The following NRXN3 variants were observed in gnomAD, a reference collection of about 807,000 sequenced individuals.
NRXN3 encodes neurexin III.
In NRXN3, 32 loss-of-function variants were observed where a neutral mutation model predicts 137.6. The observed-to-expected ratio is 0.23, with a 90% confidence interval of 0.18 to 0.31. The LOEUF is 0.31. Ranked by LOEUF, NRXN3 falls within the 10% of genes least tolerant of loss-of-function variation. NRXN3 has a pLI of 1.00. For missense variants in NRXN3, 1,574 were observed against 2,062.5 expected (o/e 0.76, Z 4.59); for synonymous variants, 798 against 784.5 (o/e 1.02, Z -0.29).
intron 10 of NRXN3, among the ~76,000 whole-genome samples, chr14:78,886,158 G>A (rs150784): frequency 0.054 from 8,220 of 152,194 alleles, 728 homozygotes; most frequent in African/African-American, 0.19. Flanking sequence ...ACTCAGTCCT[G>A]TGGAAAAGGA....
chr14:79,431,404 G>T (rs1042642237), intron 15 of NRXN3, among the ~76,000 whole-genome samples: 1 of 152,206 alleles, frequency 6.6e-6, no homozygotes, highest in East Asian at 1.9e-4. Flanking sequence ...TATATTAATT[G>T]TTGGCTCTAT....
chr14:79,194,354 T>C (rs1350253827), intron 15 of NRXN3, among the ~76,000 whole-genome samples: 2 of 152,346 alleles, frequency 1.3e-5, no homozygotes, highest in East Asian at 3.9e-4. Context: ...TTGAGCTAAA[T>C]TGTACAGCTG....
intron 16 of NRXN3, among the ~76,000 whole-genome samples, chr14:79,582,115 G>T (rs2097722156): frequency 6.6e-6 from 1 of 152,042 alleles, no homozygotes; most frequent in Non-Finnish European, 1.5e-5. Flanking sequence ...TTGTTTGTTT[G>T]TTTTTTAAGT....
chr14:78,555,156 A>G (rs2096726844), intron 4 of NRXN3, among the ~76,000 whole-genome samples: 1 of 152,210 alleles, frequency 6.6e-6, no homozygotes, highest in Non-Finnish European at 1.5e-5. Flanking sequence ...GGTAACAGTT[A>G]TAAAGAGGTT....
At chr14:79,021,888 C>T (rs1595022409) in intron 15 of NRXN3, among the ~76,000 whole-genome samples, 1 of 152,112 alleles carries the variant, frequency 6.6e-6, no homozygotes, top group South Asian at 2.1e-4. Flanking sequence ...GTCAACAGTG[C>T]CAGCCCAAGT....
chr14:78,768,795 T>A (rs2098717355), intron 8 of NRXN3, among the ~76,000 whole-genome samples: 1 of 152,194 alleles, frequency 6.6e-6, no homozygotes, highest in Admixed American at 6.5e-5. Flanking sequence ...TATAGTGATT[T>A]AATCCAGGAA....
chr14:79,146,291 C>A (rs1284620309), intron 15 of NRXN3, among the ~76,000 whole-genome samples: 1 of 152,062 alleles, frequency 6.6e-6, no homozygotes, highest in Non-Finnish European at 1.5e-5. Flanking sequence ...AATTACAAGG[C>A]ATGGTCCTGC....
intron 15 of NRXN3, among the ~76,000 whole-genome samples, chr14:79,014,864 T>C (rs976612257): frequency 2.0e-5 from 3 of 152,170 alleles, no homozygotes; most frequent in African/African-American, 7.2e-5. Context: ...CTTGGGGGCT[T>C]GATTGTGGTA....
intron 10 of NRXN3, among the ~76,000 whole-genome samples, chr14:78,837,278 C>G (rs1176951837): frequency 2.0e-5 from 3 of 152,156 alleles, no homozygotes; most frequent in Non-Finnish European, 4.4e-5. Context: ...AGCCAAGTTC[C>G]TGTTAAAATG....
intron 15 of NRXN3, among the ~76,000 whole-genome samples, chr14:79,300,520 G>GTTGGTTC (rs1393556270): frequency 2.0e-5 from 3 of 152,034 alleles, no homozygotes; most frequent in Non-Finnish European, 4.4e-5. Context: ...ATATCTGCCA[G>GTTGGTTC]TTGGTTCTGG....
chr14:79,516,274 A>G (rs2096983383), intron 16 of NRXN3, among the ~76,000 whole-genome samples: 1 of 152,214 alleles, frequency 6.6e-6, no homozygotes, highest in South Asian at 2.1e-4. Context: ...AGCCACTTGA[A>G]TTAGAAGGCC....
chr14:79,841,865 T>G (rs1476117209), intron 20 of NRXN3, among the ~76,000 whole-genome samples: 2 of 152,242 alleles, frequency 1.3e-5, no homozygotes, highest in Non-Finnish European at 2.9e-5. Context: ...AGGTCCAATT[T>G]GCATTGGAAC....
At chr14:79,093,947 G>T (rs548618853) in intron 15 of NRXN3, among the ~76,000 whole-genome samples, 2 of 151,972 alleles carry the variant, frequency 1.3e-5, no homozygotes, top group Admixed American at 1.3e-4. Context: ...GGGTTGCAGG[G>T]GTGAGATAGA....
At chr14:78,991,198 A>G (rs373931306) in intron 15 of NRXN3, among the ~76,000 whole-genome samples, 4 of 152,182 alleles carry the variant, frequency 2.6e-5, no homozygotes, top group Admixed American at 1.3e-4. Flanking sequence ...AAAATCAGAA[A>G]GTGGGTCTTA....
At chr14:78,389,134 C>G (rs1306829017) in intron 4 of NRXN3, among the ~76,000 whole-genome samples, 1 of 151,198 alleles carries the variant, frequency 6.6e-6, no homozygotes, top group Non-Finnish European at 1.5e-5. Context: ...CGGCTCACTG[C>G]AAACTTTGCC....
At position 79,132,869 on chromosome 14, in the gene NRXN3, C is replaced by T. The variant is rs138459748; in HGVS notation, c.3262+144728C>T. On this transcript the variant is annotated intron_variant, in intron 15 of 20. Coordinates refer to ENST00000335750, the MANE Select transcript of NRXN3 (RefSeq NM_001330195.2). Reference sequence around the variant, plus strand: ...CCAACAATGGGCTCAGCTAACCCCACGAGGAGCTCTGACACTAACATGACC... The same window carrying T: ...CCAACAATGGGCTCAGCTAACCCCATGAGGAGCTCTGACACTAACATGACC... Among the ~76,000 whole-genome samples the T allele has an allele frequency of 3.0e-3, 458 of 152,316 alleles. 1 individual carries two copies. Among genetic ancestry groups the T allele is most frequent in the African/African-American group, 9.5e-3 (395 of 41,564 alleles).
At chr14:78,787,612 T>TGA (rs1371768362) in intron 8 of NRXN3, among the ~76,000 whole-genome samples, 2 of 152,114 alleles carry the variant, frequency 1.3e-5, no homozygotes, top group African/African-American at 4.8e-5. Context: ...TCAATGATAA[T>TGA]GAGAGAGTAA....
At chr14:79,359,976 G>A (rs138714802) in intron 15 of NRXN3, among the ~76,000 whole-genome samples, 5 of 151,610 alleles carry the variant, frequency 3.3e-5, no homozygotes, top group Admixed American at 2.0e-4. Flanking sequence ...TACCTAAAAC[G>A]AAAATACTTG....
At chr14:79,466,784 G>T (rs1315264499) in intron 15 of NRXN3, among the ~76,000 whole-genome samples, 1 of 152,106 alleles carries the variant, frequency 6.6e-6, no homozygotes, top group Non-Finnish European at 1.5e-5. Context: ...GTTTTGTAAG[G>T]CTCCTGGCTC....
Sources: gnomAD v4.1 joint callset for allele counts (sites outside exome capture counted in the v4.1 genomes callset) on GRCh38, gnomAD v4.1.1 for gene constraint, MANE v1.5 for transcripts, NCBI Gene and HGNC (gene_info 2026-07-23, HGNC 2026-07-21) for gene names.